TIAM2: variants seen among roughly 807,000 people sequenced by gnomAD.
TIAM2 encodes the protein rho guanine nucleotide exchange factor TIAM2.
Under a neutral mutation model 152.9 loss-of-function variants are expected in TIAM2, and 80 were observed. The ratio of observed to expected loss-of-function variants is 0.52; its 90% confidence interval spans 0.44 to 0.63. The LOEUF is 0.63. Among genes scored for constraint, TIAM2 ranks in the 30% least tolerant of loss-of-function variants. TIAM2 has a pLI of 0.00. For synonymous variants in TIAM2, 804 were observed against 838.0 expected (o/e 0.96, Z 0.70); for missense variants, 1,965 against 2,120.1 (o/e 0.93, Z 1.44).
At chr6:155,058,605 T>C (rs775909243) in intron 1 of TIAM2, among the ~76,000 whole-genome samples, 3 of 152,200 alleles carry the variant, frequency 2.0e-5, no homozygotes, top group African/African-American at 2.4e-5. Flanking sequence ...AGTATTCCAT[T>C]AAATCCTCAA....
chr6:155,200,654 C>T (rs954029157), intron 14 of TIAM2, among the ~76,000 whole-genome samples: 1 of 152,118 alleles, frequency 6.6e-6, no homozygotes, highest in African/African-American at 2.4e-5. Context: ...CCTGTAATCC[C>T]AGCACTTTGG....
At position 155,218,726 on chromosome 6, in the gene TIAM2, G is replaced by A. The variant is rs1335382522; in HGVS notation, c.3168+7419G>A. On this transcript the variant is annotated intron_variant, in intron 15 of 26. Coordinates refer to ENST00000682666, the MANE Select transcript of TIAM2 (RefSeq NM_012454.4). The surrounding 1 kb of genome is among the most constrained non-coding windows in gnomAD (Gnocchi z 4.5). ...CTCTTGAGCTGAGATTCGATGTCAG[G>A]TAGGAAACTGAACAAATAGATGAGC... is the stretch of plus-strand genomic sequence containing the variant. 3.9e-5 allele frequency among the ~76,000 whole-genome samples: 6 copies of A among 152,198 alleles called. No homozygotes were observed. The highest frequency in any genetic ancestry group is 8.8e-5 in the Non-Finnish European group (6 of 68,038).
chr6:155,112,273 G>A (rs577589872), intron 2 of TIAM2, among the ~76,000 whole-genome samples: 31 of 152,034 alleles, frequency 2.0e-4, no homozygotes, highest in Non-Finnish European at 2.5e-4. Context: ...TTACAGGCAT[G>A]CGCCACCAAG....
intron 6 of TIAM2, among the ~76,000 whole-genome samples, 191 bp from the exon 7 acceptor site, chr6:155,147,919 G>T (rs897115684): frequency 6.6e-6 from 1 of 152,202 alleles, no homozygotes; most frequent in African/African-American, 2.4e-5. Context: ...GATGCTTTCT[G>T]CTCTGCTCCT....
chr6:155,087,468 G>T (rs1778197331), intron 1 of TIAM2, among the ~76,000 whole-genome samples: 1 of 152,102 alleles, frequency 6.6e-6, no homozygotes, highest in Non-Finnish European at 1.5e-5. Flanking sequence ...ATTTTTTTCG[G>T]CTGGGTGCAG....
intron 1 of TIAM2, among the ~76,000 whole-genome samples, chr6:155,085,741 G>A (rs1183455436): frequency 6.6e-6 from 1 of 152,182 alleles, no homozygotes; most frequent in Non-Finnish European, 1.5e-5. Flanking sequence ...ATGTCATGGT[G>A]CAAACAGGCA....
intron 19 of TIAM2, among the ~76,000 whole-genome samples, chr6:155,246,692 G>A (rs966806438): frequency 2.0e-5 from 3 of 152,074 alleles, no homozygotes; most frequent in Non-Finnish European, 2.9e-5. Flanking sequence ...CAATGTACTT[G>A]TCAATACATA....
In TIAM2 at chr6:155,127,572, C is replaced by T. The variant is rs1398961894; in HGVS notation, c.-35C>T. ...CCATGTAAAGCCTACTGACCACTAA[C>T]CTCCCTCACAGCAGAAACTAGACGT... On this transcript the variant is annotated 5_prime_UTR_variant, in exon 3 of 27. Transcript: ENST00000682666. 4 of 455,916 alleles carry T rather than the reference C, an allele frequency of 8.8e-6. No individual in the cohort carries two copies. The highest frequency in any genetic ancestry group is 2.0e-5 in the African/African-American group (1 of 50,044). 28.2% of individuals were successfully genotyped at this position (455,916 alleles called of 1,614,324 possible).
intron 2 of TIAM2, among the ~76,000 whole-genome samples, chr6:155,117,660 C>A (rs1010036062): frequency 3.3e-5 from 5 of 152,184 alleles, no homozygotes; most frequent in African/African-American, 1.2e-4. Context: ...TCGGGCTGGT[C>A]TCGAACTCCT....
Position 155,251,943 on chromosome 6 carries a change from A to G in TIAM2, c.4061-2A>G. On this transcript the variant is annotated splice_acceptor_variant, in intron 22 of 26. Coordinates refer to ENST00000682666, the MANE Select transcript of TIAM2 (RefSeq NM_012454.4). LOFTEE classifies it high-confidence loss of function. ...ACTTTCTTTCTCTTTTCCTTTCTTT[A>G]GTTTTTAAGAGAGCCGTCATACTGG... The G allele has an allele frequency of 6.2e-7, 1 of 1,600,460 alleles. No individual in the cohort carries two copies.
In TIAM2 at chr6:155,191,386, T is replaced by C. The variant is rs116987301; in HGVS notation, c.3064+7886T>C. ...GTAGTAAATGCCATGTAAGTGTGTG[T>C]TGAATACGCAGATACATTCCTCCTA... On this transcript the variant is annotated intron_variant, in intron 14 of 26. Transcript: ENST00000682666. Among the ~76,000 whole-genome samples the C allele has an allele frequency of 1.6e-3, 244 of 152,344 alleles. 6 individuals are homozygous for C. In the East Asian group the frequency reaches 0.039, roughly 25 times the overall value.
intron 10 of TIAM2, among the ~76,000 whole-genome samples, chr6:155,178,806 C>T (rs1169128615): frequency 6.6e-6 from 1 of 152,278 alleles, no homozygotes; most frequent in Non-Finnish European, 1.5e-5. Flanking sequence ...AACTCCTGAC[C>T]TCAAGTGATC....
rs1357915405 is a variant in TIAM2, at chr6:155,217,118, T to C, written c.3168+5811T>C. 5 of 1,288,992 alleles carry C rather than the reference T, an allele frequency of 3.9e-6. No individual in the cohort carries two copies. The East Asian group carries it at 2.2e-4, about 57-fold the overall frequency. 79.8% of individuals were successfully genotyped at this position (1,288,992 alleles called of 1,614,324 possible). A position where few individuals can be genotyped will look rare whatever the true frequency, so the allele number is the denominator to read the frequency against. The stretch of plus-strand genomic sequence containing the variant: ...AAGTAAACAAGGGCTTTGATTTTCA[T>C]GGGTAAAGATTTTGATCCAAATGTA... On this transcript the variant is annotated intron_variant, in intron 15 of 26. Transcript: ENST00000682666.
intron 1 of TIAM2, among the ~76,000 whole-genome samples, chr6:155,088,308 C>G (rs377287728): frequency 1.3e-5 from 2 of 151,960 alleles, no homozygotes; most frequent in Non-Finnish European, 2.9e-5. Flanking sequence ...CTCGAACTCA[C>G]GACCTCAGGT....
Position 155,016,535 on chromosome 6 carries a change from A to ATTT in TIAM2, c.-209+21043_-209+21044insTTT, listed in dbSNP as rs1491114055. Among the ~76,000 whole-genome samples the ATTT allele has an allele frequency of 1.4e-3, 149 of 108,752 alleles. No individual in the cohort carries two copies. In the South Asian group the frequency reaches 0.018, roughly 13 times the overall value. 71.3% of individuals were successfully genotyped at this position (108,752 alleles called of 152,430 possible). On this transcript the variant is annotated intron_variant, in intron 1 of 26. Coordinates refer to ENST00000682666, the MANE Select transcript of TIAM2 (RefSeq NM_012454.4). ...TAAATGGTATTTACATTTAAATGGT[A>ATTT]AATTTAAATTTAAATGGTATTTACA...
At position 155,134,161 on chromosome 6, in the gene TIAM2, G is replaced by GTA. The variant is rs762205150; in HGVS notation, c.1195-3001_1195-3000dup. On this transcript the variant is annotated intron_variant, in intron 4 of 26. Transcript: ENST00000682666. ...GAAATCGTATGATTTGTGTGTGTGTGTATATATATATATATAGCAGGCACC... is the reference window on the plus strand; with the variant it reads ...GAAATCGTATGATTTGTGTGTGTGTGTATATATATATATATATAGCAGGCACC... Among the ~76,000 whole-genome samples the GTA allele has an allele frequency of 5.4e-4, 82 of 151,794 alleles. No individual in the cohort carries two copies. In the East Asian group the frequency reaches 8.3e-3, roughly 15 times the overall value.
chr6:155,021,945 C>T (rs548581865), intron 1 of TIAM2, among the ~76,000 whole-genome samples: 5 of 152,332 alleles, frequency 3.3e-5, no homozygotes, highest in Admixed American at 2.6e-4. Context: ...TCCTGACCTC[C>T]TGCCTCTTTC....
chr6:155,038,041 AT>A (rs959429386), intron 1 of TIAM2, among the ~76,000 whole-genome samples: 1 of 152,106 alleles, frequency 6.6e-6, no homozygotes, highest in African/African-American at 2.4e-5. Context: ...AGAGTTTAAG[AT>A]TTTCCTTCTT....
rs1784109128 is a variant in TIAM2, at chr6:155,257,179, A to AGT, written c.*60_*61dup. 2 of 1,107,386 alleles carry AGT rather than the reference A, an allele frequency of 1.8e-6. No homozygotes were observed. Among genetic ancestry groups the AGT allele is most frequent in the Admixed American group, 4.5e-5 (2 of 44,428 alleles). 68.6% of individuals were successfully genotyped at this position (1,107,386 alleles called of 1,614,324 possible). On this transcript the variant is annotated 3_prime_UTR_variant, in exon 27 of 27. Coordinates refer to ENST00000682666, the MANE Select transcript of TIAM2 (RefSeq NM_012454.4). ...CATTTTACTTTTAAACTGGTGGTAA[A>AGT]GTGGAAATTGCAAAAAAAAAAAAAA...
Sources: allele counts gnomAD v4.1 joint callset (sites outside exome capture counted in the v4.1 genomes callset), GRCh38; gene constraint gnomAD v4.1.1; non-coding constraint Gnocchi (gnomAD v3.1); transcripts MANE v1.5; gene names NCBI Gene and HGNC (gene_info 2026-07-23, HGNC 2026-07-21).